The following PACRG variants were observed in gnomAD, a reference collection of about 807,000 sequenced individuals.
The protein encoded by PACRG is parkin coregulated.
PACRG carries 29 observed loss-of-function variants against 29.7 expected under a neutral mutation model. That is an observed-to-expected ratio of 0.98 (90% CI 0.73 to 1.33). The LOEUF (loss-of-function observed/expected upper bound fraction) is 1.33. PACRG is among the 40% of genes most tolerant of loss of function. PACRG has a pLI of 0.00. For missense variants in PACRG, 279 were observed against 316.2 expected, an observed-to-expected ratio of 0.88 and a Z score of 0.89; for synonymous variants, 116 against 118.7, an observed-to-expected ratio of 0.98 and a Z score of 0.15.
chr6:163,076,613 C>G (rs536522166), intron 3 of PACRG, among the ~76,000 whole-genome samples: 22 of 152,326 alleles, frequency 1.4e-4, no homozygotes, highest in Non-Finnish European at 2.5e-4. Context: ...TTGTTTTTGA[C>G]TTTATTTCTT....
intron 2 of PACRG, among the ~76,000 whole-genome samples, chr6:163,040,922 G>A (rs972425635): frequency 1.3e-5 from 2 of 152,136 alleles, no homozygotes; most frequent in Non-Finnish European, 2.9e-5. Flanking sequence ...AGACTTTAGG[G>A]GACTGTTGAT....
chr6:163,137,146 C>G (rs1816968540), intron 4 of PACRG, among the ~76,000 whole-genome samples: 2 of 152,212 alleles, frequency 1.3e-5, no homozygotes, highest in South Asian at 4.1e-4. Context: ...GAAGCCTTAT[C>G]TATCACAGTC....
intron 4 of PACRG, among the ~76,000 whole-genome samples, chr6:163,112,666 G>A (rs2128320230): frequency 1.3e-5 from 2 of 152,282 alleles, no homozygotes; most frequent in African/African-American, 4.8e-5. Flanking sequence ...CCAAGGAAAG[G>A]CACAGGCCTA....
intron 4 of PACRG, among the ~76,000 whole-genome samples, chr6:163,127,165 G>A (rs1036376267): frequency 1.3e-5 from 2 of 152,182 alleles, no homozygotes; most frequent in East Asian, 3.8e-4. Flanking sequence ...AACAAAAGTG[G>A]CGTCATTTCC....
intron 4 of PACRG, among the ~76,000 whole-genome samples, chr6:163,293,667 C>A (rs1053445072): frequency 6.6e-6 from 1 of 152,066 alleles, no homozygotes; most frequent in African/African-American, 2.4e-5. Context: ...CATATAACAA[C>A]AAGATAAACA....
chr6:163,274,861 C>CTTTTTTTT (rs58333018), intron 4 of PACRG, among the ~76,000 whole-genome samples: 43 of 126,308 alleles, frequency 3.4e-4, no homozygotes, highest in Non-Finnish European at 5.0e-4. Flanking sequence ...TTCTTTCTTT[C>CTTTTTTTT]TTTTTTTTTT....
chr6:163,000,763 C>G (rs1203900731), intron 2 of PACRG, among the ~76,000 whole-genome samples: 1 of 152,180 alleles, frequency 6.6e-6, no homozygotes, highest in Non-Finnish European at 1.5e-5. Context: ...TTGAACACTC[C>G]TATGCTGCAG....
intron 4 of PACRG, chr6:163,166,126 T>C: frequency 4.4e-6 from 2 of 455,900 alleles, no homozygotes; most frequent in Non-Finnish European, 8.8e-6. Flanking sequence ...TGGCGCGGGG[T>C]TTCTGGGCAG....
chr6:163,047,123 T>C (rs557204092), intron 2 of PACRG, among the ~76,000 whole-genome samples: 201 of 152,366 alleles, frequency 1.3e-3, no homozygotes, highest in Admixed American at 2.2e-3. Context: ...TTACAATTAA[T>C]ACCAGTGGTG....
At chr6:163,040,230 A>G (rs1485519970) in intron 2 of PACRG, among the ~76,000 whole-genome samples, 1 of 152,204 alleles carries the variant, frequency 6.6e-6, no homozygotes, top group Non-Finnish European at 1.5e-5. Context: ...AGTTTCCACA[A>G]GGTTTTGGGC....
chr6:163,235,367 A>C, intron 4 of PACRG, among the ~76,000 whole-genome samples: 1 of 152,080 alleles, frequency 6.6e-6, no homozygotes, highest in East Asian at 1.9e-4. Context: ...TAATTTCTCA[A>C]TTTCCCCATT....
rs184357002 is a variant in PACRG at position 163,131,628 on chromosome 6, C to T, written c.613+42220C>T. Among the ~76,000 whole-genome samples, 10 of 147,624 alleles carry T rather than the reference C, an allele frequency of 6.8e-5. No homozygotes were observed. The East Asian group carries it at 9.7e-4, about 14-fold the overall frequency. ...GTTTTAAGTCACCAGGTTTGTGGTA[C>T]GTTACAACAGCTGTAAGAAACTAAC... is the stretch of plus-strand genomic sequence containing the variant. On this transcript the variant is annotated intron_variant, in intron 4 of 4. Transcript: ENST00000366888.
At chr6:162,827,440 G>A (rs1788381967) in intron 2 of PACRG, among the ~76,000 whole-genome samples, 1 of 152,142 alleles carries the variant, frequency 6.6e-6, no homozygotes, top group Admixed American at 6.5e-5. Context: ...AAAGTAAAAT[G>A]TATTGGTTAG....
chr6:163,250,448 T>TA (rs1273330038), intron 4 of PACRG, among the ~76,000 whole-genome samples: 1 of 152,266 alleles, frequency 6.6e-6, no homozygotes, highest in African/African-American at 2.4e-5. Context: ...CATTGCATTT[T>TA]ACTATCTTTT....
At chr6:162,918,561 G>T (rs1231524296) in intron 2 of PACRG, among the ~76,000 whole-genome samples, 1 of 152,108 alleles carries the variant, frequency 6.6e-6, no homozygotes, top group African/African-American at 2.4e-5. Context: ...CAGTATGCTG[G>T]GGAGGAGCAT....
chr6:162,752,971 G>A (rs1021605379), intron 1 of PACRG, among the ~76,000 whole-genome samples: 1 of 151,738 alleles, frequency 6.6e-6, no homozygotes, highest in African/African-American at 2.4e-5. Context: ...ACTTATTAAT[G>A]TTATTTTGAT....
At chr6:163,143,141 G>A (rs115662715) in intron 4 of PACRG, among the ~76,000 whole-genome samples, 1,588 of 152,160 alleles carry the variant, frequency 0.01, 27 homozygotes, top group African/African-American at 0.037. Context: ...GGAGAAACTG[G>A]GTGAGGGATG....
At chr6:163,134,495 C>T (rs1816852851) in intron 4 of PACRG, among the ~76,000 whole-genome samples, 1 of 152,110 alleles carries the variant, frequency 6.6e-6, no homozygotes, top group African/African-American at 2.4e-5. Context: ...TACTAAAGTT[C>T]TATACTAAAA....
At chr6:163,056,245 T>G (rs1042607255) in intron 2 of PACRG, among the ~76,000 whole-genome samples, 1 of 152,206 alleles carries the variant, frequency 6.6e-6, no homozygotes, top group African/African-American at 2.4e-5. Context: ...AGGTATATAT[T>G]CAAAGGAATT....
Sources: gnomAD v4.1 joint callset for allele counts (sites outside exome capture counted in the v4.1 genomes callset) on GRCh38, gnomAD v4.1.1 for gene constraint, MANE v1.5 for transcripts, NCBI Gene and HGNC (gene_info 2026-07-23, HGNC 2026-07-21) for gene names.